Variants in PTPRD observed in about 807,000 individuals in gnomAD.
PTPRD encodes the protein protein tyrosine phosphatase receptor type D.
In PTPRD, 34 loss-of-function variants were observed where a neutral mutation model predicts 214.5. That is an observed-to-expected ratio of 0.16 (90% CI 0.12 to 0.21). PTPRD has a LOEUF of 0.21. PTPRD is among the 10% of genes least tolerant of loss of function. PTPRD has a pLI of 1.00. For missense variants in PTPRD, 2,545 were observed against 2,398.7 expected, an observed-to-expected ratio of 1.06 and a Z score of -1.27; for synonymous variants, 1,128 against 845.7, an observed-to-expected ratio of 1.33 and a Z score of -5.79.
chr9:9,155,454 G>T (rs1178565312), intron 10 of PTPRD, among the ~76,000 whole-genome samples: 1 of 152,080 alleles, frequency 6.6e-6, no homozygotes, highest in East Asian at 1.9e-4. Context: ...TCAGAAATAA[G>T]TCTCTAGCCT....
At chr9:9,435,131 T>A (rs4297076) in intron 8 of PTPRD, among the ~76,000 whole-genome samples, 55,059 of 151,828 alleles carry the variant, frequency 0.36, 10,491 homozygotes, top group Middle Eastern at 0.53. Context: ...CTTTATTATT[T>A]CTATTATCAT....
intron 32 of PTPRD, among the ~76,000 whole-genome samples, chr9:8,462,854 T>C (rs2134292763): frequency 6.6e-6 from 1 of 152,076 alleles, no homozygotes; most frequent in Admixed American, 6.6e-5. Flanking sequence ...GTATATATAC[T>C]TCATTTTCTT....
chr9:10,009,702 T>TCAC (rs59863510), intron 4 of PTPRD, among the ~76,000 whole-genome samples: 1 of 151,450 alleles, frequency 6.6e-6, no homozygotes, highest in Non-Finnish European at 1.5e-5. Flanking sequence ...GGAAGGGGAT[T>TCAC]TACGGAATGA....
At chr9:9,317,552 C>T (rs545018012) in intron 9 of PTPRD, among the ~76,000 whole-genome samples, 29 of 152,108 alleles carry the variant, frequency 1.9e-4, no homozygotes, top group African/African-American at 5.8e-4. Context: ...ATTGCTATTG[C>T]GTCTATGGCC....
At chr9:9,548,461 G>A (rs1040822335) in intron 8 of PTPRD, among the ~76,000 whole-genome samples, 1 of 149,116 alleles carries the variant, frequency 6.7e-6, no homozygotes, top group African/African-American at 2.5e-5. Flanking sequence ...AGGCTGGAGG[G>A]CAGTGACATG....
At chr9:8,394,054 T>C (rs1012660861) in intron 36 of PTPRD, among the ~76,000 whole-genome samples, 15 of 152,160 alleles carry the variant, frequency 9.9e-5, no homozygotes, top group African/African-American at 3.4e-4. Context: ...TTGAACAGAA[T>C]TAGGCACGTT....
intron 7 of PTPRD, among the ~76,000 whole-genome samples, chr9:9,626,917 T>C (rs1258284246): frequency 6.6e-6 from 1 of 152,224 alleles, no homozygotes; most frequent in Non-Finnish European, 1.5e-5. Context: ...AGTTGAAGGA[T>C]ACAAACTGTC....
intron 8 of PTPRD, among the ~76,000 whole-genome samples, chr9:9,406,693 A>C (rs887627255): frequency 6.6e-6 from 1 of 151,902 alleles, no homozygotes; most frequent in Non-Finnish European, 1.5e-5. Flanking sequence ...TGAAAGAGTG[A>C]TGTGGGATAA....
chr9:8,793,562 A>G (rs928350895), intron 11 of PTPRD, among the ~76,000 whole-genome samples: 16 of 152,194 alleles, frequency 1.1e-4, no homozygotes, highest in African/African-American at 3.9e-4. Flanking sequence ...TTTGTCATAA[A>G]GCAATAAATA....
At chr9:9,823,713 T>G (rs112489068) in intron 5 of PTPRD, among the ~76,000 whole-genome samples, 15 of 152,082 alleles carry the variant, frequency 9.9e-5, no homozygotes, top group African/African-American at 3.6e-4. Flanking sequence ...GAATAATGAC[T>G]ACCAGAGGCT....
intron 12 of PTPRD, among the ~76,000 whole-genome samples, chr9:8,705,836 T>C (rs1369198112): frequency 6.6e-6 from 1 of 152,242 alleles, no homozygotes; most frequent in African/African-American, 2.4e-5. Context: ...GGTGTTTCTT[T>C]TGGTAATAGC....
At chr9:9,055,209 G>T (rs1453433614) in intron 10 of PTPRD, among the ~76,000 whole-genome samples, 1 of 152,030 alleles carries the variant, frequency 6.6e-6, no homozygotes, top group African/African-American at 2.4e-5. Context: ...TTGCAGCATT[G>T]CTTATAAGAG....
rs956241363 is a variant in PTPRD at position 10,472,215 on chromosome 9, A to G, written c.-599-131198T>C. On this transcript the variant is annotated intron_variant, in intron 2 of 45. Transcript: ENST00000381196. ...TCTAGAGCAAAAGAAGTATAAAAGC[A>G]ATGTTTGACTTTAGAACTTTATGCA... Among the ~76,000 whole-genome samples, 10 of 152,146 alleles carry G rather than the reference A, an allele frequency of 6.6e-5. 1 individual carries two copies. The highest frequency in any genetic ancestry group is 1.5e-4 in the Non-Finnish European group (10 of 68,016).
chr9:8,790,323 T>TA (rs1014623868), intron 11 of PTPRD, among the ~76,000 whole-genome samples: 101 of 152,058 alleles, frequency 6.6e-4, no homozygotes, highest in Non-Finnish European at 1.3e-3. Context: ...GCCTCATTTA[T>TA]AAAAAAATAA....
chr9:10,051,334 A>G (rs2097531423), intron 3 of PTPRD, among the ~76,000 whole-genome samples: 1 of 152,098 alleles, frequency 6.6e-6, no homozygotes, highest in African/African-American at 2.4e-5. Flanking sequence ...TTCTTCTCCT[A>G]CTGTGAGCCC....
At chr9:9,882,138 T>C (rs2068933502) in intron 5 of PTPRD, among the ~76,000 whole-genome samples, 2 of 152,170 alleles carry the variant, frequency 1.3e-5, no homozygotes, top group African/African-American at 4.8e-5. Flanking sequence ...TTAATATTTA[T>C]TGGTATAACA....
chr9:10,065,141 T>TAGAAAGAAAGAA (rs554379074), intron 3 of PTPRD, among the ~76,000 whole-genome samples: 13,642 of 106,702 alleles, frequency 0.13, 1,118 homozygotes, highest in Non-Finnish European at 0.14. Flanking sequence ...TGACTTGGAT[T>TAGAAAGAAAGAA]AGAAAGAAAG....
chr9:9,640,367 G>T (rs951039658), intron 7 of PTPRD, among the ~76,000 whole-genome samples: 1 of 152,166 alleles, frequency 6.6e-6, no homozygotes, highest in Admixed American at 6.5e-5. Flanking sequence ...TTTAGGGAGA[G>T]ACCCTGTGTG....
intron 12 of PTPRD, among the ~76,000 whole-genome samples, chr9:8,690,085 G>A (rs1426009188): frequency 1.3e-5 from 2 of 148,490 alleles, no homozygotes; most frequent in African/African-American, 2.5e-5. Flanking sequence ...TTCAGCCTAG[G>A]AGTTACAGCG....
Sources: gnomAD v4.1 joint callset for allele counts (sites outside exome capture counted in the v4.1 genomes callset) on GRCh38, gnomAD v4.1.1 for gene constraint, MANE v1.5 for transcripts, NCBI Gene and HGNC (gene_info 2026-07-23, HGNC 2026-07-21) for gene names.